The following PTPRO variants were observed in gnomAD, a reference collection of about 807,000 sequenced individuals.
PTPRO encodes protein tyrosine phosphatase receptor type O.
PTPRO carries 62 observed loss-of-function variants against 145.2 expected under a neutral mutation model. That is an observed-to-expected ratio of 0.43 (90% CI 0.35 to 0.53). PTPRO has a LOEUF of 0.53. PTPRO is among the 20% of genes least tolerant of loss of function. PTPRO has a pLI of 0.01. For missense variants in PTPRO, 1,345 were observed against 1,482.7 expected (o/e 0.91, Z 1.53); for synonymous variants, 565 against 514.7 (o/e 1.10, Z -1.32).
intron 1 of PTPRO, among the ~76,000 whole-genome samples, chr12:15,371,464 C>T (rs1938528284): frequency 6.6e-6 from 1 of 152,070 alleles, no homozygotes; most frequent in Admixed American, 6.6e-5. Flanking sequence ...AACTCCTGAC[C>T]TCAGGTGATC....
chr12:15,543,211 A>G (rs745418966), intron 12 of PTPRO, among the ~76,000 whole-genome samples: 1 of 152,206 alleles, frequency 6.6e-6, no homozygotes, highest in Non-Finnish European at 1.5e-5. Flanking sequence ...AGAAAAGTAC[A>G]CAGTGATCAC....
intron 19 of PTPRO, among the ~76,000 whole-genome samples, chr12:15,570,120 G>A (rs962595970): frequency 9.9e-5 from 15 of 152,258 alleles, no homozygotes; most frequent in African/African-American, 3.4e-4. Context: ...AAAACCATAT[G>A]TCAGAAGAGA....
At chr12:15,479,908 C>T (rs552778833) in intron 1 of PTPRO, among the ~76,000 whole-genome samples, 14 of 152,294 alleles carry the variant, frequency 9.2e-5, no homozygotes, top group Non-Finnish European at 1.6e-4. Context: ...AGACCAGGCA[C>T]CCATGAGCCA....
intron 16 of PTPRO, among the ~76,000 whole-genome samples, chr12:15,558,614 C>T (rs1276290033): frequency 1.3e-5 from 2 of 152,150 alleles, no homozygotes; most frequent in Non-Finnish European, 2.9e-5. Context: ...TTGCAAGAAA[C>T]TATGCAAAGT....
At chr12:15,397,160 C>T (rs1016721665) in intron 1 of PTPRO, among the ~76,000 whole-genome samples, 5 of 152,098 alleles carry the variant, frequency 3.3e-5, no homozygotes, top group Non-Finnish European at 5.9e-5. Flanking sequence ...CCAAAGACTA[C>T]ATTTATTTCT....
intron 1 of PTPRO, among the ~76,000 whole-genome samples, chr12:15,382,608 G>T (rs563394503): frequency 2.0e-5 from 3 of 152,192 alleles, no homozygotes; most frequent in Non-Finnish European, 4.4e-5. Context: ...CAGGCACAGA[G>T]AATTATCTGA....
At chr12:15,493,590 G>C (rs1388821774) in intron 2 of PTPRO, among the ~76,000 whole-genome samples, 1 of 152,078 alleles carries the variant, frequency 6.6e-6, no homozygotes, top group Non-Finnish European at 1.5e-5. Flanking sequence ...TTAAAACAAA[G>C]AGATAACATT....
At position 15,580,702 on chromosome 12, in the gene PTPRO, C is replaced by G. The variant is rs1944291845; in HGVS notation, c.3003C>G (p.Tyr1001Ter). The G allele has an allele frequency of 6.2e-7, 1 of 1,613,952 alleles. No individual in the cohort carries two copies. Among genetic ancestry groups the G allele is most frequent in the Admixed American group, 1.7e-5 (1 of 60,004 alleles). ...TTTTGTCACTTATCTTTCAGGGATA[C>G]AACTCACCCCAGGAGTATATTGCCA... ...DYINANYIPG[Y>*]NSPQEYIATQ... Residue 1001 changes from tyrosine (Y) to a stop codon, truncating the protein, a stop_gained, in exon 22 of 27, where the codon TAC becomes TAG. Transcript: ENST00000281171. LOFTEE classifies it high-confidence loss of function.
rs1269428021 is a variant in PTPRO at position 15,504,573 on chromosome 12, G to C, written c.1267+504G>C. Among the ~76,000 whole-genome samples, 35 of 152,144 alleles carry C rather than the reference G, an allele frequency of 2.3e-4. 2 individuals are homozygous for C. The highest frequency in any genetic ancestry group is 2.3e-3 in the Admixed American group (35 of 15,264). ...GAAAGTCCCAGTGTCAAGTCCTAGGGTGGCCTCTACCATTCCATAAGGGTA... is the reference window on the plus strand; with the variant it reads ...GAAAGTCCCAGTGTCAAGTCCTAGGCTGGCCTCTACCATTCCATAAGGGTA... On this transcript the variant is annotated intron_variant, in intron 6 of 26. Transcript: ENST00000281171.
intron 15 of PTPRO, among the ~76,000 whole-genome samples, chr12:15,557,072 G>T (rs1367939229): frequency 4.4e-5 from 6 of 136,760 alleles, no homozygotes; most frequent in Non-Finnish European, 9.3e-5. Context: ...ACAGAGTCTT[G>T]CTCTGTCACC....
intron 12 of PTPRO, chr12:15,546,338 T>A: frequency 7.3e-7 from 1 of 1,363,110 alleles, no homozygotes; most frequent in Non-Finnish European, 9.4e-7. Flanking sequence ...AAAACAGAAG[T>A]GTTCTGAAAA....
At chr12:15,514,377 G>A (rs930428941) in intron 7 of PTPRO, among the ~76,000 whole-genome samples, 8 of 151,322 alleles carry the variant, frequency 5.3e-5, no homozygotes, top group East Asian at 1.9e-4. Flanking sequence ...GCTTGAACCC[G>A]GGAGGTGGAG....
chr12:15,510,580 T>C (rs1942417520), intron 7 of PTPRO, among the ~76,000 whole-genome samples: 1 of 152,172 alleles, frequency 6.6e-6, no homozygotes. Context: ...TTTTACAATA[T>C]CTTCTCAAAA....
intron 1 of PTPRO, among the ~76,000 whole-genome samples, chr12:15,443,524 T>G (rs1314035446): frequency 6.6e-6 from 1 of 152,044 alleles, no homozygotes; most frequent in Non-Finnish European, 1.5e-5. Flanking sequence ...AAAGAGCTTC[T>G]GCACACCGAA....
At position 15,390,777 on chromosome 12, in the gene PTPRO, G is replaced by A. The variant is rs536877746; in HGVS notation, c.75+67976G>A. Among the ~76,000 whole-genome samples, 8 of 152,084 alleles carry A rather than the reference G, an allele frequency of 5.3e-5. No homozygotes were observed. The South Asian group carries it at 1.7e-3, about 32-fold the overall frequency. On this transcript the variant is annotated intron_variant, in intron 1 of 26. Transcript: ENST00000281171. ...GGCTGGGTAAGAGATGGTCTGAGAG[G>A]ATAAGAAATGGCCAATATACCCTGT... is the stretch of plus-strand genomic sequence containing the variant.
chr12:15,586,238 C>G (rs1403002910), intron 23 of PTPRO, among the ~76,000 whole-genome samples: 1 of 152,138 alleles, frequency 6.6e-6, no homozygotes, highest in Non-Finnish European at 1.5e-5. Flanking sequence ...CATAAGGGAG[C>G]AAGGGAAGCA....
intron 1 of PTPRO, among the ~76,000 whole-genome samples, chr12:15,351,690 C>T (rs1394727006): frequency 6.6e-6 from 1 of 152,050 alleles, no homozygotes; most frequent in Non-Finnish European, 1.5e-5. Flanking sequence ...CTAGCCATGC[C>T]TTACTGAATT....
chr12:15,498,678 C>CAG (rs72525765), intron 3 of PTPRO, among the ~76,000 whole-genome samples: 146,380 of 152,262 alleles, frequency 0.96, 70,421 homozygotes, highest in Middle Eastern at 1. Flanking sequence ...ACAATGAAAA[C>CAG]ATAATCTGCA....
intron 22 of PTPRO, among the ~76,000 whole-genome samples, chr12:15,581,298 CTTTTTTTTTT>C (rs147606138): frequency 3.3e-5 from 4 of 123,030 alleles, no homozygotes; most frequent in African/African-American, 1.3e-4. Flanking sequence ...TGAGTGCTTT[CTTTTTTTTTT>C]TTTTTTTTTT....
Sources: gnomAD v4.1 joint callset for allele counts (sites outside exome capture counted in the v4.1 genomes callset) on GRCh38, gnomAD v4.1.1 for gene constraint, MANE v1.5 for transcripts, NCBI Gene and HGNC (gene_info 2026-07-23, HGNC 2026-07-21) for gene names.